The following GFM2 variants were observed in gnomAD, a reference collection of about 807,000 sequenced individuals.
GFM2 encodes ribosome-releasing factor 2, mitochondrial.
A neutral mutation model predicts 95.4 loss-of-function variants in GFM2; 72 were observed. The ratio of observed to expected loss-of-function variants is 0.76; its 90% CI spans 0.62 to 0.92. GFM2 has a LOEUF of 0.92. Among genes scored for constraint, GFM2 ranks in the 40% least tolerant of loss-of-function variants. GFM2 has a pLI of 0.00. For synonymous variants in GFM2, 276 were observed against 317.5 expected (o/e 0.87, Z 1.39); for missense variants, 825 against 924.1 (o/e 0.89, Z 1.39).
intron 1 of GFM2, 78 bp from the exon 2 acceptor site, chr5:74,763,844 ATG>A (rs1359194551): frequency 3.9e-6 from 3 of 772,182 alleles, no homozygotes; most frequent in Non-Finnish European, 6.7e-6. Context: ...AGTTAGACAT[ATG>A]TAATATGTAT....
Position 74,730,343 on chromosome 5 carries a change from T to C in GFM2, c.1643A>G (p.Lys548Arg), listed in dbSNP as rs751140721. ...LHIEIIHDRIKREYGLETYLG... is the reference protein window; with the variant it reads ...LHIEIIHDRIRREYGLETYLG... ...ATAGGTCTCCAGTCCATATTCCCTC[T>C]TGATTCGATCATGAATAATCTCTAT... is the stretch of plus-strand genomic sequence containing the variant. The change falls in exon 17 of 21, where the codon AAG (lysine) becomes AGG (arginine). Residue 548 changes from lysine to arginine, a missense_variant. By Grantham distance (26) the Lys-to-Arg change is conservative. Transcript: ENST00000296805. 8.7e-6 allele frequency: 14 copies of C among 1,612,440 alleles called. No homozygotes were observed. The African/African-American group carries it at 1.3e-4, about 15-fold the overall frequency.
In GFM2 at chr5:74,760,482, A is replaced by G. The variant is rs140968080; in HGVS notation, c.148+420T>C. The stretch of plus-strand genomic sequence containing the variant: ...TTCCAGCTTCTGATGCCATGTATCT[A>G]ACCTAAACAATCCCAAATACTTAGC... On this transcript the variant is annotated intron_variant, in intron 3 of 20. Transcript: ENST00000296805. 4.9e-4 allele frequency among the ~76,000 whole-genome samples: 74 copies of G among 152,340 alleles called. No homozygotes were observed. The East Asian group carries it at 0.014, about 29-fold the overall frequency.
In GFM2 at chr5:74,721,519, GTTATATC is replaced by G. The variant is rs1554037441; in HGVS notation, c.*129_*135del. On this transcript the variant is annotated 3_prime_UTR_variant, in exon 21 of 21. Coordinates refer to ENST00000296805, the MANE Select transcript of GFM2 (RefSeq NM_032380.5). ...CTCCAGTGCCACTATCAAAGCTTAA[GTTATATC>G]TTTTATCTAGTTCTCTGAATGTACT... 9.9e-7 allele frequency: 1 copy of G among 1,005,872 alleles called. No individual in the cohort carries two copies. The highest frequency in any genetic ancestry group is 1.5e-6 in the Non-Finnish European group (1 of 657,174). 62.3% of individuals were successfully genotyped at this position (1,005,872 alleles called of 1,614,324 possible).
In GFM2 at chr5:74,764,881, G is replaced by A. The variant is rs543098636; in HGVS notation, c.-24-1115C>T. Among the ~76,000 whole-genome samples the A allele has an allele frequency of 3.3e-5, 5 of 149,836 alleles. No individual in the cohort carries two copies. In the South Asian group the frequency reaches 6.3e-4, roughly 19 times the overall value. ...GCTCCCTGCAACCTCTGCCTCCTGG[G>A]TTCAAGCGATTCTCCTGCCTCAGCC... On this transcript the variant is annotated intron_variant, in intron 1 of 20. Transcript: ENST00000296805.
Position 74,721,693 on chromosome 5 carries a change from G to A in GFM2, c.2302C>T (p.Gln768Ter). The A allele has an allele frequency of 6.2e-7, 1 of 1,613,618 alleles. No individual in the cohort carries two copies. Among genetic ancestry groups the A allele is most frequent in the Non-Finnish European group, 8.5e-7 (1 of 1,179,854 alleles). Reference sequence around the variant, plus strand: ...CTTCTCCGGTTGAGCAGTGTATTTTGATCTTGAGGATTCATGGCTTGATAA... The same window carrying A: ...CTTCTCCGGTTGAGCAGTGTATTTTAATCTTGAGGATTCATGGCTTGATAA... Reference protein sequence around the residue: ...STYQAMNPQDQNTLLNRRSGL... With the variant: ...STYQAMNPQD The change falls in exon 21 of 21, where the codon CAA becomes TAA. Residue 768 changes from glutamine (Q) to a stop codon, truncating the protein, a stop_gained. Transcript: ENST00000296805. LOFTEE classifies it high-confidence loss of function.
chr5:74,734,280 TTTTAATA>T (rs1226676453), intron 15 of GFM2, among the ~76,000 whole-genome samples: 1 of 152,112 alleles, frequency 6.6e-6, no homozygotes, highest in African/African-American at 2.4e-5. Flanking sequence ...ATATTAGTAA[TTTTAATA>T]TTGATATATT....
At chr5:74,738,716 C>T (rs1204013116) in intron 12 of GFM2, 74 bp from the exon 13 acceptor site, 3 of 1,400,998 alleles carry the variant, frequency 2.1e-6, no homozygotes, top group East Asian at 4.7e-5. Context: ...CTTAATGTCC[C>T]CAAAGATCTA....
At chr5:74,736,163 G>A (rs1238829223) in intron 15 of GFM2, among the ~76,000 whole-genome samples, 1 of 152,138 alleles carries the variant, frequency 6.6e-6, no homozygotes, top group Non-Finnish European at 1.5e-5. Context: ...AGGAGATAGA[G>A]AGAAATAAAT....
intron 17 of GFM2, among the ~76,000 whole-genome samples, chr5:74,726,569 T>C (rs188968867): frequency 1.1e-4 from 16 of 152,340 alleles, no homozygotes; most frequent in African/African-American, 3.8e-4. Flanking sequence ...TATTGTGTAT[T>C]TTTCCAGCAA....
chr5:74,751,968 GGTT>G (rs1224775953), intron 5 of GFM2, among the ~76,000 whole-genome samples: 1 of 152,008 alleles, frequency 6.6e-6, no homozygotes. Context: ...ATCCTTGCTG[GGTT>G]GTTATTATAA....
At chr5:74,758,712 C>A (rs961765971) in intron 5 of GFM2, 137 bp downstream of exon 5, 3 of 612,008 alleles carry the variant, frequency 4.9e-6, no homozygotes, top group Non-Finnish European at 8.9e-6. Context: ...TTGCAACTAT[C>A]TTATCTTTAA....
intron 19 of GFM2, 58 bp downstream of exon 19, chr5:74,725,582 G>C: frequency 1.8e-6 from 2 of 1,130,078 alleles, no homozygotes. Context: ...TGCAAGATCA[G>C]TGGTACTATA....
chr5:74,757,750 A>T (rs1019911050), intron 5 of GFM2, among the ~76,000 whole-genome samples: 4 of 151,006 alleles, frequency 2.6e-5, no homozygotes, highest in Non-Finnish European at 5.9e-5. Flanking sequence ...AAAAAAAAAA[A>T]AAAAAAATTA....
At chr5:74,750,753 G>T in intron 6 of GFM2, 86 bp from the exon 7 acceptor site, 2 of 906,964 alleles carry the variant, frequency 2.2e-6, no homozygotes, top group East Asian at 2.6e-5. Flanking sequence ...TCCTGGGGAG[G>T]GGTGTGTGTG....
intron 5 of GFM2, among the ~76,000 whole-genome samples, chr5:74,755,136 A>G (rs992888571): frequency 2.6e-5 from 4 of 152,132 alleles, no homozygotes; most frequent in African/African-American, 9.7e-5. Context: ...CTAGAACAAA[A>G]AGACTTAATA....
At chr5:74,766,308 T>C (rs976870260) in intron 1 of GFM2, among the ~76,000 whole-genome samples, 1 of 152,178 alleles carries the variant, frequency 6.6e-6, no homozygotes, top group Non-Finnish European at 1.5e-5. Flanking sequence ...CGTCTCAAAA[T>C]ACCCATAAAA....
intron 17 of GFM2, among the ~76,000 whole-genome samples, chr5:74,728,739 T>TG (rs1334483846): frequency 2.1e-5 from 3 of 140,310 alleles, no homozygotes; most frequent in East Asian, 4.2e-4. Context: ...CTTTTATGTG[T>TG]GGGGGTTTCT....
rs913682260 is a variant in GFM2, at chr5:74,741,588, A to C, written c.871T>G (p.Phe291Val). 1.3e-6 allele frequency: 2 copies of C among 1,587,498 alleles called. No individual in the cohort carries two copies. Among genetic ancestry groups the C allele is most frequent in the Non-Finnish European group, 1.7e-6 (2 of 1,159,742 alleles). ...IEQVADLDDE[F>V]ADLVLEEFSE... ...AATTCTTCTAAAACCAAGTCAGCAA[A>C]TTCATCATCCAAATCTGCAACCTAT... is the stretch of plus-strand genomic sequence containing the variant. The change falls in exon 11 of 21, where the codon TTT becomes GTT. Residue 291 changes from phenylalanine to valine, a missense_variant. Transcript: ENST00000296805.
intron 6 of GFM2, among the ~76,000 whole-genome samples, chr5:74,751,084 T>C (rs1340141141): frequency 6.6e-6 from 1 of 152,102 alleles, no homozygotes; most frequent in East Asian, 1.9e-4. Flanking sequence ...TACATAGGTA[T>C]ACAAAGTACA....
Sources: gnomAD v4.1 joint callset for allele counts (sites outside exome capture counted in the v4.1 genomes callset) on GRCh38, gnomAD v4.1.1 for gene constraint, MANE v1.5 for transcripts, NCBI Gene and HGNC (gene_info 2026-07-23, HGNC 2026-07-21) for gene names.